The following ERCC6 variants were observed in gnomAD, a reference collection of about 807,000 sequenced individuals.
ERCC6 encodes the protein ERCC excision repair 6, chromatin remodeling factor.
ERCC6 carries 116 observed loss-of-function variants against 158.7 expected under a neutral mutation model. That is an observed-to-expected ratio of 0.73 (90% CI 0.63 to 0.85). The LOEUF (loss-of-function observed/expected upper bound fraction) is 0.85, where lower values mean the gene tolerates loss of function less well. ERCC6 is among the 40% of genes least tolerant of loss of function. The probability of loss-of-function intolerance (pLI) is 0.00; values close to 1 mark genes in which losing one functional copy is unlikely to be tolerated. For synonymous variants in ERCC6, 678 were observed against 659.3 expected (o/e 1.03, Z -0.43); for missense variants, 1,698 against 1,799.4 (o/e 0.94, Z 1.02).
chr10:49,437,797 T>C, the ERCC6 span, among the ~76,000 whole-genome samples: 8 of 152,194 alleles, frequency 5.3e-5, no homozygotes, highest in East Asian at 1.9e-4. Context: ...ACCTCCAGCA[T>C]GAGATCAAGG....
rs764930719 is a variant in ERCC6 at position 49,505,867 on chromosome 10, G to A, written c.1526+17C>T. 1 of 1,612,498 alleles carries A rather than the reference G, an allele frequency of 6.2e-7. No individual in the cohort carries two copies. The highest frequency in any genetic ancestry group is 8.5e-7 in the Non-Finnish European group (1 of 1,179,108). On this transcript the variant is annotated intron_variant, in intron 6 of 20. Coordinates refer to ENST00000355832, the MANE Select transcript of ERCC6 (RefSeq NM_000124.4). ...GGCTTGATAGCAAATAGAAAGGAAA[G>A]AACATATGGTACATACTTAAAAAGC...
At chr10:49,474,813 C>T (rs972457917) in intron 12 of ERCC6, among the ~76,000 whole-genome samples, 1 of 152,096 alleles carries the variant, frequency 6.6e-6, no homozygotes, top group African/African-American at 2.4e-5. Context: ...ATGGTCCATG[C>T]AGAAGGGCAC....
At chr10:49,454,342 G>C (rs1045408943), downstream of ERCC6, among the ~76,000 whole-genome samples, 1 of 152,154 alleles carries the variant, frequency 6.6e-6, no homozygotes, top group East Asian at 1.9e-4. Flanking sequence ...CTCCCTGTGA[G>C]GTACCATACC....
intron 7 of ERCC6, among the ~76,000 whole-genome samples, chr10:49,496,447 G>A (rs1374250006): frequency 2.0e-5 from 3 of 152,198 alleles, no homozygotes; most frequent in Non-Finnish European, 4.4e-5. Context: ...GATTATTTCA[G>A]AGTTGGGGAA....
intron 6 of ERCC6, chr10:49,502,278 T>C (rs1039444978): frequency 8.5e-5 from 13 of 152,238 alleles, no homozygotes; most frequent in Non-Finnish European, 1.8e-4. Flanking sequence ...ATGAGAACTT[T>C]GCTGCTTATT....
chr10:49,464,215 G>A (rs1300231509), intron 18 of ERCC6, among the ~76,000 whole-genome samples: 2 of 152,196 alleles, frequency 1.3e-5, no homozygotes, highest in African/African-American at 4.8e-5. Context: ...TGGAGCAAAG[G>A]TGACTCTTGT....
rs138649908 is a variant in ERCC6, at chr10:49,538,631, A to G, written c.-15+331T>C. Among the ~76,000 whole-genome samples the G allele has an allele frequency of 2.2e-3, 333 of 152,298 alleles. 2 individuals are homozygous for G. Among genetic ancestry groups the G allele is most frequent in the African/African-American group, 7.7e-3 (320 of 41,570 alleles). ...GTACATCTAGCCCGACTCTCTTTAAAATAACAGCTCCAGCATTTTAATCGA... is the reference window on the plus strand; with the variant it reads ...GTACATCTAGCCCGACTCTCTTTAAGATAACAGCTCCAGCATTTTAATCGA... On this transcript the variant is annotated intron_variant, in intron 1 of 20. Coordinates refer to ENST00000355832, the MANE Select transcript of ERCC6 (RefSeq NM_000124.4).
At chr10:49,509,784 G>A (rs1851503730) in intron 5 of ERCC6, among the ~76,000 whole-genome samples, 1 of 151,994 alleles carries the variant, frequency 6.6e-6, no homozygotes, top group African/African-American at 2.4e-5. Flanking sequence ...AAGCAGAAGG[G>A]GGCAGTAAAT....
intron 7 of ERCC6, 30 bp downstream of exon 7, chr10:49,500,508 C>A: frequency 6.2e-7 from 1 of 1,611,708 alleles, no homozygotes; most frequent in Non-Finnish European, 8.5e-7. Context: ...TTGAGCTCCA[C>A]AGACTGACAG....
rs117555054 is a variant in ERCC6, at chr10:49,454,725, C to T, written c.*4090G>A. Among the ~76,000 whole-genome samples, 9 of 151,968 alleles carry T rather than the reference C, an allele frequency of 5.9e-5. No individual in the cohort carries two copies. In the East Asian group the frequency reaches 1.7e-3, roughly 29 times the overall value. On this transcript the variant is annotated 3_prime_UTR_variant, in exon 21 of 21. Transcript: ENST00000355832. ...CTTTACTACACCAAGAAAAGCTATA[C>T]AATTATATCAATATATACCAGAAAA...
chr10:49,477,122 C>T (rs1344454416), intron 11 of ERCC6, among the ~76,000 whole-genome samples: 1 of 152,138 alleles, frequency 6.6e-6, no homozygotes, highest in Non-Finnish European at 1.5e-5. Context: ...GCCCATGCTC[C>T]TCACCACCCA....
chr10:49,495,680 C>T (rs774457970), intron 7 of ERCC6, among the ~76,000 whole-genome samples: 1 of 152,114 alleles, frequency 6.6e-6, no homozygotes, highest in Non-Finnish European at 1.5e-5. Context: ...GTCCCACTGT[C>T]CAGGTGCCCA....
the ERCC6 span, among the ~76,000 whole-genome samples, chr10:49,441,575 C>G: frequency 2.8e-5 from 4 of 142,924 alleles, no homozygotes; most frequent in Non-Finnish European, 6.1e-5. Flanking sequence ...GCACGGTGTG[C>G]CATTTTGCAT....
intron 5 of ERCC6, among the ~76,000 whole-genome samples, chr10:49,517,890 T>A (rs193182084): frequency 6.6e-6 from 1 of 152,350 alleles, no homozygotes; most frequent in Admixed American, 6.5e-5. Context: ...GTTAAGAACA[T>A]TCTTAAAATA....
chr10:49,475,419 C>A (rs1161340483), intron 12 of ERCC6: 1 of 451,770 alleles, frequency 2.2e-6, no homozygotes, highest in Non-Finnish European at 4.5e-6. Context: ...GTGATCTAGA[C>A]CCCCTAACTT....
At chr10:49,533,748 A>C (rs1837527941) in intron 1 of ERCC6, among the ~76,000 whole-genome samples, 1 of 152,222 alleles carries the variant, frequency 6.6e-6, no homozygotes, top group Admixed American at 6.5e-5. Context: ...GGCTGCAGTG[A>C]GCCATGATTG....
chr10:49,442,402 G>A, the ERCC6 span, among the ~76,000 whole-genome samples: 2 of 152,206 alleles, frequency 1.3e-5, no homozygotes, highest in Non-Finnish European at 2.9e-5. Flanking sequence ...CAATGGTGGT[G>A]GCCAATATTG....
At chr10:49,522,796 A>G (rs1426584533) in intron 5 of ERCC6, among the ~76,000 whole-genome samples, 1 of 152,190 alleles carries the variant, frequency 6.6e-6, no homozygotes. Context: ...CATTCCTCAA[A>G]CAACTTCACA....
downstream of ERCC6, among the ~76,000 whole-genome samples, chr10:49,453,508 C>G (rs1356720747): frequency 6.6e-6 from 1 of 152,020 alleles, no homozygotes. Context: ...TGTTATAGAC[C>G]AATACATCAT....
Sources: allele counts gnomAD v4.1 joint callset (sites outside exome capture counted in the v4.1 genomes callset), GRCh38; gene constraint gnomAD v4.1.1; transcripts MANE v1.5; gene names NCBI Gene and HGNC (gene_info 2026-07-23, HGNC 2026-07-21).